Variants in MTSS1 observed in about 807,000 individuals in gnomAD.
MTSS1 encodes the protein MTSS I-BAR domain containing 1.
MTSS1 carries 18 observed loss-of-function variants against 79.0 expected under a neutral mutation model. The ratio of observed to expected loss-of-function variants is 0.23; its 90% CI spans 0.16 to 0.34. The LOEUF is 0.34. Among genes scored for constraint, MTSS1 ranks in the 10% least tolerant of loss-of-function variants. The pLI, the probability that MTSS1 is intolerant of heterozygous loss-of-function variation, is 1.00. For synonymous variants in MTSS1, 341 were observed against 368.6 expected (o/e 0.93, Z 0.86); for missense variants, 815 against 986.2 (o/e 0.83, Z 2.33).
chr8:124,659,258 A>G (rs1467246343), intron 3 of MTSS1, among the ~76,000 whole-genome samples: 6 of 151,420 alleles, frequency 4.0e-5, no homozygotes, highest in Non-Finnish European at 8.8e-5. Context: ...TAAATAATTA[A>G]ATAATAATAG....
intron 9 of MTSS1, 191 bp from the exon 10 acceptor site, chr8:124,563,183 G>C (rs1825716609): frequency 1.7e-6 from 1 of 595,898 alleles, no homozygotes; most frequent in Non-Finnish European, 3.0e-6. Context: ...AAATCATGAA[G>C]GTAGTCAACA....
chr8:124,569,921 C>T (rs191047166), intron 6 of MTSS1, among the ~76,000 whole-genome samples: 1 of 152,298 alleles, frequency 6.6e-6, no homozygotes, highest in East Asian at 1.9e-4. Flanking sequence ...TGCCCCACCG[C>T]CTCGCAGGAA....
At chr8:124,676,117 T>C (rs1371915751) in intron 3 of MTSS1, among the ~76,000 whole-genome samples, 2 of 152,126 alleles carry the variant, frequency 1.3e-5, no homozygotes, top group African/African-American at 4.8e-5. Context: ...ATGAAGAACT[T>C]CTAAGGCTAA....
At chr8:124,631,928 A>T (rs945768053) in intron 3 of MTSS1, among the ~76,000 whole-genome samples, 1 of 152,190 alleles carries the variant, frequency 6.6e-6, no homozygotes, top group African/African-American at 2.4e-5. Flanking sequence ...CCTGCTGCTG[A>T]TGATGGTGGT....
chr8:124,654,369 T>C (rs1176292596), intron 3 of MTSS1, among the ~76,000 whole-genome samples: 1 of 152,130 alleles, frequency 6.6e-6, no homozygotes, highest in African/African-American at 2.4e-5. Context: ...CAGAAGCACA[T>C]GTTCCCATCC....
At chr8:124,680,439 A>G (rs1467541252) in intron 3 of MTSS1, among the ~76,000 whole-genome samples, 1 of 152,224 alleles carries the variant, frequency 6.6e-6, no homozygotes, top group Non-Finnish European at 1.5e-5. Context: ...CTAAGAAGGA[A>G]GGCCTAGGCA....
At chr8:124,696,234 T>C (rs62530739) in intron 3 of MTSS1, among the ~76,000 whole-genome samples, 110,274 of 151,948 alleles carry the variant, frequency 0.73, 40,056 homozygotes, top group East Asian at 0.82. Context: ...GTAATCCACC[T>C]GCCTCGGCCT....
At chr8:124,606,171 G>GTTTTTTT (rs11351219) in intron 3 of MTSS1, among the ~76,000 whole-genome samples, 16 of 88,842 alleles carry the variant, frequency 1.8e-4, no homozygotes, top group Non-Finnish European at 2.3e-4. Flanking sequence ...TTGGTTTTTT[G>GTTTTTTT]TTTTTTTTTT....
chr8:124,632,222 T>C (rs1391950415), intron 3 of MTSS1, among the ~76,000 whole-genome samples: 2 of 143,168 alleles, frequency 1.4e-5, no homozygotes, highest in African/African-American at 5.4e-5. Flanking sequence ...AAGGATTCAG[T>C]GAACTATGAC....
intron 3 of MTSS1, chr8:124,673,359 G>C (rs1328958311): frequency 6.6e-6 from 1 of 150,794 alleles, no homozygotes; most frequent in Non-Finnish European, 1.5e-5. Flanking sequence ...CTCCAGCCTG[G>C]GTGACAGAGC....
intron 1 of MTSS1, among the ~76,000 whole-genome samples, chr8:124,711,134 A>G (rs146979997): frequency 6.6e-6 from 1 of 152,322 alleles, no homozygotes; most frequent in Non-Finnish European, 1.5e-5. Context: ...CTTTCTAAAG[A>G]GTTGCCAGGT....
chr8:124,634,733 G>A (rs1381681148), intron 3 of MTSS1, among the ~76,000 whole-genome samples: 4 of 151,914 alleles, frequency 2.6e-5, no homozygotes, highest in African/African-American at 9.7e-5. Flanking sequence ...CAAATGCACA[G>A]TCCATGTCCT....
At chr8:124,681,752 C>T (rs997196131) in intron 3 of MTSS1, among the ~76,000 whole-genome samples, 2 of 152,204 alleles carry the variant, frequency 1.3e-5, no homozygotes, top group Non-Finnish European at 2.9e-5. Context: ...CATGCCATTG[C>T]ACTCCAGCCT....
At chr8:124,567,021 C>CT (rs772777120) in intron 8 of MTSS1, 50 bp downstream of exon 8, 5 of 1,446,026 alleles carry the variant, frequency 3.5e-6, no homozygotes, top group Non-Finnish European at 4.8e-6. Flanking sequence ...GGGCCTTGAG[C>CT]TTTTACCTCT....
chr8:124,568,900 A>T, intron 6 of MTSS1: 1 of 1,381,168 alleles, frequency 7.2e-7, no homozygotes, highest in Non-Finnish European at 9.4e-7. Flanking sequence ...AGAGGCTAAG[A>T]GATGTGGAAA....
chr8:124,574,581 C>T (rs774807458), intron 6 of MTSS1, among the ~76,000 whole-genome samples: 15 of 152,120 alleles, frequency 9.9e-5, no homozygotes, highest in African/African-American at 1.4e-4. Flanking sequence ...GCTAAACAGC[C>T]GATCAAAAAG....
intron 3 of MTSS1, among the ~76,000 whole-genome samples, chr8:124,658,092 A>G (rs1461077583): frequency 1.3e-5 from 2 of 152,226 alleles, no homozygotes; most frequent in African/African-American, 4.8e-5. Flanking sequence ...CAGGAGCCAA[A>G]TGAAACAGTG....
At chr8:124,715,841 C>T (rs1281231918) in intron 1 of MTSS1, among the ~76,000 whole-genome samples, 1 of 152,220 alleles carries the variant, frequency 6.6e-6, no homozygotes, top group African/African-American at 2.4e-5. Flanking sequence ...GATGTGCTCA[C>T]TGGGTGACCC....
At chr8:124,604,608 A>G (rs1041905729) in intron 3 of MTSS1, among the ~76,000 whole-genome samples, 2 of 152,108 alleles carry the variant, frequency 1.3e-5, no homozygotes, top group Admixed American at 1.3e-4. Flanking sequence ...TTTTTTTTAA[A>G]AAACCTGTTT....
Sources: allele counts gnomAD v4.1 joint callset (sites outside exome capture counted in the v4.1 genomes callset), GRCh38; gene constraint gnomAD v4.1.1; transcripts MANE v1.5; gene names NCBI Gene and HGNC (gene_info 2026-07-23, HGNC 2026-07-21).